Variants in TSNARE1 observed in about 807,000 individuals in gnomAD.
TSNARE1 encodes t-SNARE domain-containing protein 1.
Under a neutral mutation model 62.0 loss-of-function variants are expected in TSNARE1, and 49 were observed. That is an observed-to-expected ratio of 0.79 (90% confidence interval 0.63 to 1.00). The LOEUF is 1.00. TSNARE1 is among the 50% of genes least tolerant of loss of function. TSNARE1 has a pLI of 0.00. For missense variants in TSNARE1, 755 were observed against 700.1 expected (o/e 1.08, Z -0.88); for synonymous variants, 328 against 294.4 (o/e 1.11, Z -1.17).
chr8:142,372,430 C>T lies in TSNARE1; in HGVS notation c.-39-17667G>A, dbSNP rs528962983. On this transcript the variant is annotated intron_variant, in intron 1 of 13. Transcript: ENST00000524325. ...ACGGAGTACAACCATGAATGTCAGC[C>T]TTACAGCAGCCACAGGATGGACCCC... Among the ~76,000 whole-genome samples the T allele has an allele frequency of 5.3e-5, 8 of 152,326 alleles. No homozygotes were observed. In the East Asian group the frequency reaches 1.5e-3, roughly 29 times the overall value.
chr8:142,267,326 T>G lies in TSNARE1; in HGVS notation c.1446+7455A>C, dbSNP rs980404326. Among the ~76,000 whole-genome samples, 3 of 152,330 alleles carry G rather than the reference T, an allele frequency of 2.0e-5. No individual in the cohort carries two copies. The South Asian group carries it at 6.2e-4, about 32-fold the overall frequency. On this transcript the variant is annotated intron_variant, in intron 12 of 13. Transcript: ENST00000524325. ...TGGATCCAGGATCCACAGGTGGACC[T>G]GGTGCTTATTCAGGCTCAGGGCAAG...
At chr8:142,339,880 G>C (rs1260006611) in intron 4 of TSNARE1, among the ~76,000 whole-genome samples, 1 of 152,274 alleles carries the variant, frequency 6.6e-6, no homozygotes, top group East Asian at 1.9e-4. Context: ...CCTCTGGACA[G>C]CTGCGCCGGG....
At chr8:142,406,730 G>C (rs1471406385), upstream of TSNARE1, 3 of 152,292 alleles carry the variant, frequency 2.0e-5, no homozygotes, top group African/African-American at 7.2e-5. Flanking sequence ...GCCCAAGAGT[G>C]AGGTTGGTAA....
chr8:142,231,419 G>C (rs1296967420), intron 12 of TSNARE1, among the ~76,000 whole-genome samples: 1 of 152,116 alleles, frequency 6.6e-6, no homozygotes, highest in Non-Finnish European at 1.5e-5. Context: ...AAGGGGTTGG[G>C]GGGTGGCCAG....
chr8:142,280,218 GC>G (rs1251681047), intron 11 of TSNARE1: 2 of 985,260 alleles, frequency 2.0e-6, no homozygotes, highest in Non-Finnish European at 2.4e-6. Context: ...GGGAGTGGGG[GC>G]CCGGCCGCAG....
chr8:142,257,577 G>A (rs1267489029), intron 12 of TSNARE1, among the ~76,000 whole-genome samples: 1 of 152,164 alleles, frequency 6.6e-6, no homozygotes, highest in Admixed American at 6.5e-5. Context: ...CAGCTCCCCT[G>A]CCGCTGCAGG....
intron 1 of TSNARE1, among the ~76,000 whole-genome samples, chr8:142,368,432 T>C (rs149928816): frequency 0.014 from 2,094 of 150,828 alleles, 23 homozygotes; most frequent in Non-Finnish European, 0.023. Context: ...CTGGAGAGAG[T>C]GCTGCCCGAA....
intron 12 of TSNARE1, among the ~76,000 whole-genome samples, chr8:142,245,041 G>A (rs8180914): frequency 0.52 from 79,296 of 152,154 alleles, 21,507 homozygotes; most frequent in African/African-American, 0.65. Flanking sequence ...CAGACTTTTC[G>A]CAGTGAACAA....
chr8:142,256,477 TATCACCACCACC>T (rs1196105923), intron 12 of TSNARE1, among the ~76,000 whole-genome samples: 1 of 114,634 alleles, frequency 8.7e-6, no homozygotes, highest in Non-Finnish European at 1.8e-5. Context: ...ACACCATCAC[TATCACCACCACC>T]ATCACCATCA....
chr8:142,380,399 T>C (rs1836652582), intron 1 of TSNARE1, among the ~76,000 whole-genome samples: 1 of 152,072 alleles, frequency 6.6e-6, no homozygotes, highest in African/African-American at 2.4e-5. Context: ...TGGGGCTCTG[T>C]GGGCCCAGGA....
intron 1 of TSNARE1, among the ~76,000 whole-genome samples, chr8:142,379,817 G>T (rs1836603346): frequency 1.3e-5 from 2 of 152,234 alleles, no homozygotes; most frequent in Admixed American, 1.3e-4. Flanking sequence ...GGCAGGGCCA[G>T]GGGATGCCCC....
intron 6 of TSNARE1, among the ~76,000 whole-genome samples, chr8:142,325,081 T>C (rs1261830981): frequency 6.6e-6 from 1 of 152,172 alleles, no homozygotes; most frequent in African/African-American, 2.4e-5. Flanking sequence ...CGCAGTGGTG[T>C]TGGTGCACAG....
chr8:142,378,012 G>A (rs533683481), intron 1 of TSNARE1, among the ~76,000 whole-genome samples: 4 of 152,312 alleles, frequency 2.6e-5, no homozygotes, highest in Non-Finnish European at 4.4e-5. Flanking sequence ...AGGGATCCGC[G>A]CGGTGAACTA....
intron 8 of TSNARE1, among the ~76,000 whole-genome samples, chr8:142,314,676 G>C (rs146852092): frequency 5.3e-4 from 80 of 152,202 alleles, no homozygotes; most frequent in African/African-American, 1.6e-3. Flanking sequence ...CTGCCAGCGA[G>C]TCGCTGGATG....
chr8:142,271,029 G>A (rs1586915295), intron 12 of TSNARE1: 2 of 985,804 alleles, frequency 2.0e-6, no homozygotes, highest in African/African-American at 3.5e-5. Flanking sequence ...GACTCAGCAG[G>A]GGAAAGACTG....
intron 6 of TSNARE1, among the ~76,000 whole-genome samples, chr8:142,320,384 C>T (rs954178152): frequency 6.6e-6 from 1 of 151,196 alleles, no homozygotes; most frequent in Admixed American, 6.6e-5. Context: ...CACCGCCCTC[C>T]TGCACCTGCA....
intron 11 of TSNARE1, chr8:142,275,408 C>A: frequency 2.0e-6 from 2 of 985,276 alleles, no homozygotes; most frequent in Non-Finnish European, 2.4e-6. Context: ...GGAGATGGTA[C>A]CTGGGAAAAG....
chr8:142,296,500 G>A (rs925474948), intron 10 of TSNARE1, among the ~76,000 whole-genome samples: 1 of 151,452 alleles, frequency 6.6e-6, no homozygotes, highest in Admixed American at 6.6e-5. Context: ...GTCTTTGGGG[G>A]CACTGGCCAG....
intron 1 of TSNARE1, among the ~76,000 whole-genome samples, chr8:142,357,052 C>G (rs1256856193): frequency 6.6e-6 from 1 of 152,044 alleles, no homozygotes; most frequent in Admixed American, 6.5e-5. Flanking sequence ...CTCCAGAAAC[C>G]AGAGCACGAA....
Sources: gnomAD v4.1 joint callset for allele counts (sites outside exome capture counted in the v4.1 genomes callset) on GRCh38, gnomAD v4.1.1 for gene constraint, MANE v1.5 for transcripts, NCBI Gene and HGNC (gene_info 2026-07-23, HGNC 2026-07-21) for gene names.